Variants in ZNF438 observed in about 807,000 individuals in gnomAD.
The protein encoded by ZNF438 is zinc finger protein 438.
A neutral mutation model predicts 38.0 loss-of-function variants in ZNF438; 25 were observed. That is an observed-to-expected ratio of 0.66 (90% CI 0.48 to 0.92). The LOEUF (loss-of-function observed/expected upper bound fraction) is 0.92, where lower values mean the gene tolerates loss of function less well. Among genes scored for constraint, ZNF438 ranks in the 40% least tolerant of loss-of-function variants. The probability of loss-of-function intolerance (pLI) is 0.00; values close to 1 mark genes in which losing one functional copy is unlikely to be tolerated. For missense variants in ZNF438, 1,007 were observed against 999.6 expected, an observed-to-expected ratio of 1.01 and a Z score of -0.10; for synonymous variants, 372 against 364.1, an observed-to-expected ratio of 1.02 and a Z score of -0.25.
intron 1 of ZNF438, among the ~76,000 whole-genome samples, chr10:30,986,323 C>T (rs1254663821): frequency 6.6e-6 from 1 of 152,102 alleles, no homozygotes; most frequent in Non-Finnish European, 1.5e-5. Context: ...CACTTAGGCG[C>T]AATATACAGC....
At chr10:30,987,811 G>T (rs1456759384) in intron 1 of ZNF438, among the ~76,000 whole-genome samples, 1 of 152,062 alleles carries the variant, frequency 6.6e-6, no homozygotes, top group Non-Finnish European at 1.5e-5. Context: ...CTGGTGCCTT[G>T]ATCTTTGACT....
At chr10:30,849,825 G>A in exon 5 of ZNF438, 1 of 1,614,176 alleles carries the variant, frequency 6.2e-7, no homozygotes, top group Non-Finnish European at 8.5e-7. Flanking sequence ...CCATTGGTCA[G>A]CGCAGCTGTG....
chr10:30,883,126 A>T (rs914853237), intron 3 of ZNF438, among the ~76,000 whole-genome samples: 2 of 152,224 alleles, frequency 1.3e-5, no homozygotes, highest in African/African-American at 4.8e-5. Context: ...ATCATCAGAA[A>T]GAATGTTAAG....
chr10:30,907,726 G>T (rs995644715), intron 3 of ZNF438, among the ~76,000 whole-genome samples: 1 of 151,916 alleles, frequency 6.6e-6, no homozygotes, highest in Non-Finnish European at 1.5e-5. Flanking sequence ...TTTTATCCTG[G>T]TTAGTCTAGC....
intron 1 of ZNF438, among the ~76,000 whole-genome samples, chr10:30,961,166 T>G (rs2049423512): frequency 6.9e-6 from 1 of 145,168 alleles, no homozygotes; most frequent in Non-Finnish European, 1.6e-5. Flanking sequence ...AAAAAAAGTT[T>G]TTTTTACATA....
At chr10:30,855,439 T>C (rs1031216034) in intron 4 of ZNF438, among the ~76,000 whole-genome samples, 1 of 152,196 alleles carries the variant, frequency 6.6e-6, no homozygotes, top group Non-Finnish European at 1.5e-5. Context: ...AAAGATAAGG[T>C]CTTGTTGAGT....
intron 3 of ZNF438, among the ~76,000 whole-genome samples, chr10:30,888,318 G>C (rs982274550): frequency 8.0e-6 from 1 of 124,640 alleles, no homozygotes; most frequent in African/African-American, 3.5e-5. Context: ...ATACCTTCAG[G>C]CCCACTTTAG....
At chr10:30,965,334 T>G (rs2049985365) in intron 1 of ZNF438, among the ~76,000 whole-genome samples, 1 of 152,182 alleles carries the variant, frequency 6.6e-6, no homozygotes, top group Admixed American at 6.5e-5. Flanking sequence ...ACACTGCTGG[T>G]GGGAATGTAA....
At chr10:31,022,585 G>A (rs1295126473) in intron 1 of ZNF438, among the ~76,000 whole-genome samples, 1 of 152,146 alleles carries the variant, frequency 6.6e-6, no homozygotes, top group East Asian at 1.9e-4. Context: ...GAATCCTGGT[G>A]AAACCATTAC....
chr10:30,963,122 C>T (rs2049687734), intron 1 of ZNF438, among the ~76,000 whole-genome samples: 1 of 152,062 alleles, frequency 6.6e-6, no homozygotes, highest in Non-Finnish European at 1.5e-5. Context: ...GTTGGCCGGG[C>T]ACAGTGGCTC....
At chr10:30,923,970 T>C (rs552330502) in intron 2 of ZNF438, among the ~76,000 whole-genome samples, 1 of 152,238 alleles carries the variant, frequency 6.6e-6, no homozygotes, top group Non-Finnish European at 1.5e-5. Flanking sequence ...TCCATTAATG[T>C]CTTTCAATAA....
intron 4 of ZNF438, among the ~76,000 whole-genome samples, chr10:30,872,425 C>CAAAAA (rs566401687): frequency 6.8e-4 from 40 of 58,696 alleles, no homozygotes; most frequent in Non-Finnish European, 1.1e-3. Context: ...GACTCTGTCT[C>CAAAAA]AAAAAAAAAA....
chr10:30,961,149 TAAAA>T lies in ZNF438; in HGVS notation c.-191-19502_-191-19499del, dbSNP rs562859851. Among the ~76,000 whole-genome samples the T allele has an allele frequency of 1.0e-4, 13 of 127,696 alleles. 2 individuals carry two copies. Among genetic ancestry groups the T allele is most frequent in the East Asian group, 4.2e-4 (2 of 4,810 alleles). 83.8% of individuals were successfully genotyped at this position (127,696 alleles called of 152,430 possible). ...TCTTACTTTATATAAGCCTGTTTCTTAAAAAAAAAAAAAGTTTTTTTTACATATG... is the reference window on the plus strand; with the variant it reads ...TCTTACTTTATATAAGCCTGTTTCTTAAAAAAAAAGTTTTTTTTACATATG... On this transcript the variant is annotated intron_variant, in intron 1 of 5. Coordinates refer to ENST00000413025, the Ensembl canonical transcript of ZNF438.
chr10:30,907,410 T>A (rs552766589), intron 3 of ZNF438, among the ~76,000 whole-genome samples: 1 of 152,218 alleles, frequency 6.6e-6, no homozygotes, highest in African/African-American at 2.4e-5. Context: ...TCCTCTTGTA[T>A]TTTTTGGAGA....
chr10:30,905,830 T>C (rs548448062), intron 3 of ZNF438, among the ~76,000 whole-genome samples: 4 of 152,358 alleles, frequency 2.6e-5, no homozygotes, highest in Admixed American at 2.6e-4. Flanking sequence ...CTGAAAAGAC[T>C]ATTGGATAAT....
intron 4 of ZNF438, among the ~76,000 whole-genome samples, chr10:30,870,881 A>G (rs751603803): frequency 6.6e-6 from 1 of 152,202 alleles, no homozygotes; most frequent in South Asian, 2.1e-4. Context: ...TACTATCTCC[A>G]TTGGAAAGAT....
chr10:30,899,199 T>C (rs529952558), intron 3 of ZNF438, among the ~76,000 whole-genome samples: 2 of 152,238 alleles, frequency 1.3e-5, no homozygotes, highest in Non-Finnish European at 2.9e-5. Flanking sequence ...TCAAAAATAT[T>C]TGATGAGTTA....
At chr10:30,956,113 A>C (rs2048835318) in intron 1 of ZNF438, among the ~76,000 whole-genome samples, 1 of 152,240 alleles carries the variant, frequency 6.6e-6, no homozygotes, top group African/African-American at 2.4e-5. Context: ...GCTCTCCTTC[A>C]GTTCATTTAA....
chr10:30,895,934 T>C (rs1395912968), intron 3 of ZNF438, among the ~76,000 whole-genome samples: 1 of 152,216 alleles, frequency 6.6e-6, no homozygotes, highest in Non-Finnish European at 1.5e-5. Flanking sequence ...TATGGAATAC[T>C]GTATAGCAGT....
Sources: allele counts gnomAD v4.1 joint callset (sites outside exome capture counted in the v4.1 genomes callset), GRCh38; gene constraint gnomAD v4.1.1; transcripts MANE v1.5; gene names NCBI Gene and HGNC (gene_info 2026-07-23, HGNC 2026-07-21).